The following FABP6 variants were observed in gnomAD, a reference collection of about 807,000 sequenced individuals.
FABP6 encodes the protein fatty acid binding protein 6, also known as gastrotropin.
A neutral mutation model predicts 14.9 loss-of-function variants in FABP6; 13 were observed. The observed-to-expected ratio is 0.87, with a 90% CI of 0.57 to 1.39. The LOEUF (loss-of-function observed/expected upper bound fraction) is 1.39. Among genes scored for constraint, FABP6 ranks in the 40% most tolerant of loss-of-function variants. The pLI, the probability that FABP6 is intolerant of heterozygous loss-of-function variation, is 0.00. For missense variants in FABP6, 161 were observed against 167.2 expected, an observed-to-expected ratio of 0.96 and a Z score of 0.20; for synonymous variants, 75 against 63.6, an observed-to-expected ratio of 1.18 and a Z score of -0.85.
chr5:160,229,690 C>T, intron 1 of FABP6, 66 bp downstream of exon 1: 1 of 1,419,624 alleles, frequency 7.0e-7, no homozygotes, highest in Non-Finnish European at 9.9e-7. Flanking sequence ...GGGCCAGGAA[C>T]CCTAAAGTAG....
At chr5:160,223,687 A>G (rs1760183278) in intron 3 of FABP6, among the ~76,000 whole-genome samples, 1 of 151,428 alleles carries the variant, frequency 6.6e-6, no homozygotes, top group Admixed American at 6.6e-5. Context: ...TCGGCCTCCT[A>G]TAGTGCTGGG....
chr5:160,194,834 C>T (rs1220281926), intron 1 of FABP6, among the ~76,000 whole-genome samples: 1 of 152,184 alleles, frequency 6.6e-6, no homozygotes, highest in East Asian at 1.9e-4. Context: ...CCATATTCCC[C>T]ACTCCCTGCC....
At chr5:160,231,260 G>C (rs1354291009) in intron 1 of FABP6, among the ~76,000 whole-genome samples, 2 of 152,218 alleles carry the variant, frequency 1.3e-5, no homozygotes, top group African/African-American at 4.8e-5. Flanking sequence ...CGTGTTGTGG[G>C]ATGGGAAGTG....
At chr5:160,234,380 CTTTTTTTTTTTT>C (rs35775372) in intron 2 of FABP6, among the ~76,000 whole-genome samples, 3 of 84,120 alleles carry the variant, frequency 3.6e-5, no homozygotes, top group Admixed American at 3.3e-4. Context: ...AGAAATCTGA[CTTTTTTTTTTTT>C]TTTTTTTTTT....
chr5:160,189,762 G>A (rs889008242), intron 1 of FABP6, among the ~76,000 whole-genome samples: 4 of 152,132 alleles, frequency 2.6e-5, no homozygotes, highest in African/African-American at 9.7e-5. Flanking sequence ...ATACCTCAGA[G>A]CATAGTTGTG....
At chr5:160,236,969 ACT>A (rs1760531174) in intron 3 of FABP6, among the ~76,000 whole-genome samples, 1 of 151,910 alleles carries the variant, frequency 6.6e-6, no homozygotes, top group African/African-American at 2.4e-5. Flanking sequence ...CAAGAGCAAA[ACT>A]CTGTCTCAAA....
upstream of FABP6, among the ~76,000 whole-genome samples, chr5:160,227,310 G>A (rs376056174): frequency 2.0e-5 from 3 of 152,040 alleles, no homozygotes; most frequent in African/African-American, 4.8e-5. Flanking sequence ...CGAGGTGGGC[G>A]GATCATCCAA....
chr5:160,219,952 T>A (rs1403827121), intron 3 of FABP6, among the ~76,000 whole-genome samples: 4 of 152,170 alleles, frequency 2.6e-5, no homozygotes, highest in African/African-American at 9.7e-5. Flanking sequence ...CAGTAGCGTA[T>A]GAACACAGCC....
intron 3 of FABP6, among the ~76,000 whole-genome samples, chr5:160,223,363 TTCCCTCCCTCCC>T (rs71579117): frequency 1.3e-5 from 1 of 78,948 alleles, no homozygotes; most frequent in Non-Finnish European, 2.4e-5. Context: ...CCTTCCTTCT[TTCCCTCCCTCCC>T]TCCCTCCCTC....
intron 3 of FABP6, among the ~76,000 whole-genome samples, chr5:160,214,129 T>A (rs1424502031): frequency 6.8e-6 from 1 of 147,702 alleles, no homozygotes; most frequent in South Asian, 2.2e-4. Context: ...CTTTCTTTCT[T>A]TCTTTCTTTC....
intron 1 of FABP6, among the ~76,000 whole-genome samples, chr5:160,190,884 G>A (rs566092268): frequency 2.6e-5 from 4 of 151,976 alleles, no homozygotes; most frequent in South Asian, 2.1e-4. Context: ...AGGCCGAGGC[G>A]GGCGGATCAT....
chr5:160,202,235 G>A (rs182507912), intron 2 of FABP6, among the ~76,000 whole-genome samples: 117 of 152,258 alleles, frequency 7.7e-4, no homozygotes, highest in Middle Eastern at 6.8e-3. Context: ...AAGGAGAAGT[G>A]GCATGGCAGC....
At chr5:160,191,684 G>A (rs570959257) in intron 1 of FABP6, among the ~76,000 whole-genome samples, 90 of 150,864 alleles carry the variant, frequency 6.0e-4, no homozygotes, top group Admixed American at 4.6e-4. Context: ...GGGCTCGGCC[G>A]GGCGCGGTGG....
At chr5:160,212,224 G>A (rs997876751) in intron 2 of FABP6, among the ~76,000 whole-genome samples, 3 of 151,444 alleles carry the variant, frequency 2.0e-5, no homozygotes, top group Admixed American at 6.6e-5. Context: ...TCACAATCTC[G>A]GCTCACTGCA....
intron 3 of FABP6, among the ~76,000 whole-genome samples, chr5:160,219,943 A>C (rs193237831): frequency 2.6e-5 from 4 of 152,272 alleles, no homozygotes; most frequent in African/African-American, 9.6e-5. Flanking sequence ...CTACATCCCC[A>C]GTAGCGTATG....
chr5:160,196,247 C>G (rs909892518), intron 1 of FABP6, among the ~76,000 whole-genome samples: 1 of 152,244 alleles, frequency 6.6e-6, no homozygotes, highest in African/African-American at 2.4e-5. Flanking sequence ...GGGACATCCC[C>G]TATCCAACCC....
chr5:160,193,238 C>T (rs963563755), intron 1 of FABP6, among the ~76,000 whole-genome samples: 1 of 151,840 alleles, frequency 6.6e-6, no homozygotes, highest in East Asian at 1.9e-4. Flanking sequence ...CAGACTTTCG[C>T]GGTGAGTGTT....
At chr5:160,207,717 T>G (rs1759797986) in intron 2 of FABP6, among the ~76,000 whole-genome samples, 1 of 137,340 alleles carries the variant, frequency 7.3e-6, no homozygotes, top group African/African-American at 2.7e-5. Flanking sequence ...AGGTCATCTT[T>G]ACCTCCTTTT....
intron 2 of FABP6, among the ~76,000 whole-genome samples, chr5:160,202,042 G>A (rs1393250614): frequency 6.6e-6 from 1 of 152,182 alleles, no homozygotes; most frequent in Non-Finnish European, 1.5e-5. Context: ...GGGATTACAC[G>A]TGTGAGCCAC....
Sources: allele counts gnomAD v4.1 joint callset (sites outside exome capture counted in the v4.1 genomes callset), GRCh38; gene constraint gnomAD v4.1.1; transcripts MANE v1.5; gene names NCBI Gene and HGNC (gene_info 2026-07-23, HGNC 2026-07-21).